LOC122539214: variants seen among roughly 807,000 people sequenced by gnomAD.
At chr19:52,654,269 C>T in the LOC122539214 span, 1 of 1,558,250 alleles carries the variant, frequency 6.4e-7, no homozygotes, top group South Asian at 1.1e-5. Flanking sequence ...TCATGAATAT[C>T]TTTCTTGATT....
chr19:52,686,352 G>A, the LOC122539214 span, among the ~76,000 whole-genome samples: 1 of 151,860 alleles, frequency 6.6e-6, no homozygotes, highest in Admixed American at 6.6e-5. Flanking sequence ...GGAATGATGT[G>A]AGCTGGTTAT....
chr19:52,671,031 T>G, the LOC122539214 span, among the ~76,000 whole-genome samples: 11 of 152,346 alleles, frequency 7.2e-5, no homozygotes, highest in Admixed American at 2.0e-4. Flanking sequence ...TCTTCAGGAT[T>G]GGTAGGGCCT....
the LOC122539214 span, among the ~76,000 whole-genome samples, chr19:52,687,965 T>A: frequency 6.6e-6 from 1 of 152,090 alleles, no homozygotes; most frequent in Non-Finnish European, 1.5e-5. Flanking sequence ...GCTCTCTGGC[T>A]GAATAGGGAT....
chr19:52,688,241 G>A, the LOC122539214 span, among the ~76,000 whole-genome samples: 1 of 151,874 alleles, frequency 6.6e-6, no homozygotes, highest in African/African-American at 2.4e-5. Flanking sequence ...CATGATCTTG[G>A]CTCACTGCAG....
chr19:52,652,121 C>A, the LOC122539214 span: 2 of 237,800 alleles, frequency 8.4e-6, no homozygotes. Flanking sequence ...TCCCTGATGT[C>A]TAATGCGGTG....
chr19:52,689,502 CCCT>C, the LOC122539214 span, among the ~76,000 whole-genome samples: 1 of 152,124 alleles, frequency 6.6e-6, no homozygotes, highest in Non-Finnish European at 1.5e-5. Context: ...GGCTCCAAAT[CCCT>C]CCTCCTCTCC....
At chr19:52,677,977 G>A in the LOC122539214 span, among the ~76,000 whole-genome samples, 123 of 152,080 alleles carry the variant, frequency 8.1e-4, 2 homozygotes, top group African/African-American at 2.7e-3. Flanking sequence ...GGAGGTTGCA[G>A]TGAGCCAAGA....
the LOC122539214 span, among the ~76,000 whole-genome samples, chr19:52,674,461 A>C: frequency 6.6e-6 from 1 of 152,176 alleles, no homozygotes; most frequent in Non-Finnish European, 1.5e-5. Flanking sequence ...AACTCATCCA[A>C]ATCAGAAAGA....
the LOC122539214 span, chr19:52,652,743 A>C: frequency 2.6e-6 from 2 of 759,338 alleles, no homozygotes; most frequent in Non-Finnish European, 4.5e-6. Flanking sequence ...TCCCTATACC[A>C]TGGATTGCTT....
chr19:52,679,059 A>G, the LOC122539214 span, among the ~76,000 whole-genome samples: 1 of 152,208 alleles, frequency 6.6e-6, no homozygotes, highest in Non-Finnish European at 1.5e-5. Flanking sequence ...TGAAAACCAT[A>G]TCTGTTACAG....
the LOC122539214 span, among the ~76,000 whole-genome samples, chr19:52,665,046 C>G: frequency 6.6e-6 from 1 of 152,194 alleles, no homozygotes; most frequent in African/African-American, 2.4e-5. Context: ...AACTAGAATG[C>G]GAAATGCAAA....
chr19:52,679,180 G>C, the LOC122539214 span, among the ~76,000 whole-genome samples: 1 of 152,208 alleles, frequency 6.6e-6, no homozygotes, highest in African/African-American at 2.4e-5. Flanking sequence ...AGCCTCATAG[G>C]AGGCTGTGAG....
the LOC122539214 span, among the ~76,000 whole-genome samples, chr19:52,658,281 A>G: frequency 6.6e-6 from 1 of 152,152 alleles, no homozygotes; most frequent in East Asian, 1.9e-4. Context: ...GTTCTGGCTC[A>G]TGCCTGTAAT....
chr19:52,676,393 C>T, the LOC122539214 span, among the ~76,000 whole-genome samples: 6 of 152,170 alleles, frequency 3.9e-5, no homozygotes, highest in African/African-American at 1.4e-4. Context: ...AGCCTCTGCC[C>T]GGCCGCCACC....
At chr19:52,683,762 A>C in the LOC122539214 span, among the ~76,000 whole-genome samples, 1 of 152,126 alleles carries the variant, frequency 6.6e-6, no homozygotes, top group Admixed American at 6.6e-5. Context: ...TTAGAGTTGA[A>C]ATTTCCAGAA....
chr19:52,689,950 G>A, the LOC122539214 span, among the ~76,000 whole-genome samples: 1 of 152,142 alleles, frequency 6.6e-6, no homozygotes, highest in Non-Finnish European at 1.5e-5. Flanking sequence ...CTGGGGAGCA[G>A]CAGGGCCCGG....
chr19:52,667,086 C>T, the LOC122539214 span, among the ~76,000 whole-genome samples: 5 of 152,094 alleles, frequency 3.3e-5, no homozygotes, highest in African/African-American at 9.7e-5. Context: ...AAACTTACAA[C>T]GTTTTCAACG....
the LOC122539214 span, among the ~76,000 whole-genome samples, chr19:52,661,258 C>A: frequency 1.3e-5 from 2 of 152,194 alleles, no homozygotes; most frequent in Non-Finnish European, 2.9e-5. Flanking sequence ...CTACTGCCCA[C>A]TGCACCAGAG....
the LOC122539214 span, among the ~76,000 whole-genome samples, chr19:52,672,012 G>A: frequency 2.0e-5 from 3 of 152,118 alleles, no homozygotes; most frequent in Non-Finnish European, 2.9e-5. Flanking sequence ...GCAGGTGGAT[G>A]ACCCAGAGGT....
Sources: allele counts gnomAD v4.1 joint callset (sites outside exome capture counted in the v4.1 genomes callset), GRCh38; gene constraint gnomAD v4.1.1; transcripts MANE v1.5.